The following SEMA5A variants were observed in gnomAD, a reference collection of about 807,000 sequenced individuals.
SEMA5A encodes the protein semaphorin-5A.
In SEMA5A, 55 loss-of-function variants were observed where a neutral mutation model predicts 135.5. The observed-to-expected ratio is 0.41, with a 90% confidence interval of 0.33 to 0.51. SEMA5A has a LOEUF of 0.51. Among genes scored for constraint, SEMA5A ranks in the 20% least tolerant of loss-of-function variants. The probability of loss-of-function intolerance (pLI) is 0.37; values close to 1 mark genes in which losing one functional copy is unlikely to be tolerated. For missense variants in SEMA5A, 1,290 were observed against 1,419.9 expected (o/e 0.91, Z 1.47); for synonymous variants, 580 against 546.5 (o/e 1.06, Z -0.85).
At chr5:9,152,382 G>C (rs1035195008) in intron 12 of SEMA5A, among the ~76,000 whole-genome samples, 6 of 152,324 alleles carry the variant, frequency 3.9e-5, no homozygotes, top group Middle Eastern at 3.4e-3. Flanking sequence ...TCCTTCCCTA[G>C]GCTAGTTCTG....
intron 16 of SEMA5A, among the ~76,000 whole-genome samples, chr5:9,070,372 A>G (rs1410029568): frequency 1.3e-5 from 2 of 152,146 alleles, no homozygotes; most frequent in Non-Finnish European, 2.9e-5. Context: ...CTCCATCTCA[A>G]AAAAACAAAC....
At chr5:9,201,837 C>G (rs1036739347) in intron 9 of SEMA5A, 118 bp downstream of exon 9, 1 of 965,542 alleles carries the variant, frequency 1.0e-6, no homozygotes, top group Non-Finnish European at 1.5e-6. Flanking sequence ...GTCTGTTAGC[C>G]CAGTAAATTA....
chr5:9,197,442 A>T, intron 9 of SEMA5A, 139 bp from the exon 10 acceptor site: 2 of 1,029,846 alleles, frequency 1.9e-6, no homozygotes, highest in Non-Finnish European at 2.8e-6. Flanking sequence ...TCCCAAAAGG[A>T]TGAAGTCAGA....
chr5:9,540,277 C>T (rs984348113), intron 1 of SEMA5A, among the ~76,000 whole-genome samples: 6 of 152,052 alleles, frequency 3.9e-5, no homozygotes, highest in Admixed American at 6.5e-5. Flanking sequence ...AAAGGCAGTG[C>T]GTGGAGTTCT....
rs1735879518 is a variant in SEMA5A, at chr5:9,040,098, G to A, written c.*2799C>T. 6.6e-6 allele frequency: 1 copy of A among 152,160 alleles called. No homozygotes were observed. The highest frequency in any genetic ancestry group is 1.5e-5 in the Non-Finnish European group (1 of 68,044). The allele number at this position is 152,160 out of a possible 1,614,324, so 9.4% of individuals were successfully genotyped here. On this transcript the variant is annotated 3_prime_UTR_variant, in exon 23 of 23. Transcript: ENST00000382496. ...TGTCATTTTACATCAGGTGCAGAAAGGTGTAGCTTAAAACTATGTGTTGGT... is the reference window on the plus strand; with the variant it reads ...TGTCATTTTACATCAGGTGCAGAAAAGTGTAGCTTAAAACTATGTGTTGGT...
intron 5 of SEMA5A, among the ~76,000 whole-genome samples, chr5:9,285,723 A>G (rs1158012304): frequency 6.6e-6 from 1 of 152,210 alleles, no homozygotes; most frequent in Admixed American, 6.5e-5. Context: ...TCTCAGGAGC[A>G]TAGGATGGAG....
chr5:9,463,472 C>T (rs1037117340), intron 1 of SEMA5A, among the ~76,000 whole-genome samples: 10 of 151,870 alleles, frequency 6.6e-5, no homozygotes, highest in African/African-American at 2.2e-4. Context: ...TCTAAACTGT[C>T]AGTGGCAATC....
chr5:9,144,187 C>A (rs1012621309), intron 12 of SEMA5A, among the ~76,000 whole-genome samples: 1 of 152,206 alleles, frequency 6.6e-6, no homozygotes, highest in African/African-American at 2.4e-5. Flanking sequence ...CACCCTCCCC[C>A]AGTGTCCTCT....
At chr5:9,393,605 C>T (rs1234167765) in intron 2 of SEMA5A, among the ~76,000 whole-genome samples, 1 of 152,162 alleles carries the variant, frequency 6.6e-6, no homozygotes, top group Non-Finnish European at 1.5e-5. Context: ...AGACCACTTA[C>T]TGGCAATTAC....
chr5:9,201,293 G>A (rs926721658), intron 9 of SEMA5A, among the ~76,000 whole-genome samples: 22 of 152,164 alleles, frequency 1.4e-4, no homozygotes, highest in Non-Finnish European at 2.8e-4. Flanking sequence ...ACTAGATTAA[G>A]AGTGAAAGAG....
At chr5:9,465,520 G>A (rs1026213265) in intron 1 of SEMA5A, among the ~76,000 whole-genome samples, 3 of 152,218 alleles carry the variant, frequency 2.0e-5, no homozygotes, top group Admixed American at 6.5e-5. Flanking sequence ...TTCCACAAGT[G>A]CTGTAAGGCA....
At chr5:9,445,037 C>T (rs1242053105) in intron 1 of SEMA5A, among the ~76,000 whole-genome samples, 1 of 152,220 alleles carries the variant, frequency 6.6e-6, no homozygotes, top group Non-Finnish European at 1.5e-5. Flanking sequence ...AACACACACA[C>T]ATATTTACAA....
intron 1 of SEMA5A, among the ~76,000 whole-genome samples, chr5:9,440,680 ATACCAATTATAACTTAC>A (rs1464259430): frequency 1.3e-5 from 2 of 152,254 alleles, no homozygotes; most frequent in Admixed American, 6.5e-5. Context: ...AGAAGATTGA[ATACCAATTATAACTTAC>A]TAAGTGCTCA....
chr5:9,094,704 T>C (rs1480419518), intron 16 of SEMA5A, among the ~76,000 whole-genome samples: 1 of 152,218 alleles, frequency 6.6e-6, no homozygotes, highest in Non-Finnish European at 1.5e-5. Context: ...ACAATGACAT[T>C]AGAGGTCCTT....
chr5:9,259,351 A>G (rs1749274260), intron 5 of SEMA5A, among the ~76,000 whole-genome samples: 1 of 152,122 alleles, frequency 6.6e-6, no homozygotes, highest in African/African-American at 2.4e-5. Flanking sequence ...GTTTCCATGT[A>G]GTTGAGTGGC....
At chr5:9,161,242 C>T (rs1244248837) in intron 11 of SEMA5A, among the ~76,000 whole-genome samples, 2 of 151,960 alleles carry the variant, frequency 1.3e-5, no homozygotes, top group Non-Finnish European at 2.9e-5. Context: ...AACGCAGTGA[C>T]CTGAACGCGG....
At chr5:9,422,381 C>T (rs1213250406) in intron 2 of SEMA5A, 2 of 152,114 alleles carry the variant, frequency 1.3e-5, no homozygotes. Context: ...AAATACAGAC[C>T]AGAATTCTGA....
chr5:9,464,937 C>T (rs919264271), intron 1 of SEMA5A, among the ~76,000 whole-genome samples: 2 of 152,198 alleles, frequency 1.3e-5, no homozygotes, highest in African/African-American at 2.4e-5. Flanking sequence ...GGTCTGCAAG[C>T]GTGTGCGGAC....
intron 1 of SEMA5A, among the ~76,000 whole-genome samples, chr5:9,514,325 T>G (rs1736386162): frequency 6.6e-6 from 1 of 152,148 alleles, no homozygotes; most frequent in Non-Finnish European, 1.5e-5. Flanking sequence ...TCATTCCTTT[T>G]GCCATGTCAG....
Sources: gnomAD v4.1 joint callset for allele counts (sites outside exome capture counted in the v4.1 genomes callset) on GRCh38, gnomAD v4.1.1 for gene constraint, MANE v1.5 for transcripts, NCBI Gene and HGNC (gene_info 2026-07-23, HGNC 2026-07-21) for gene names.